IGSF21: variants seen among roughly 807,000 people sequenced by gnomAD.
The protein encoded by IGSF21 is immunoglobin superfamily member 21, also known as immunoglobulin superfamily member 21.
In IGSF21, 28 loss-of-function variants were observed where a neutral mutation model predicts 46.8. The observed-to-expected ratio is 0.60, with a 90% CI of 0.44 to 0.82. The LOEUF (loss-of-function observed/expected upper bound fraction) is 0.82. Ranked by LOEUF, IGSF21 falls within the 40% of genes least tolerant of loss-of-function variation. The pLI is 0.00. For synonymous variants in IGSF21, 284 were observed against 273.6 expected (o/e 1.04, Z -0.38); for missense variants, 624 against 665.5 (o/e 0.94, Z 0.69).
chr1:18,159,249 C>G (rs2086594852), intron 1 of IGSF21, among the ~76,000 whole-genome samples: 1 of 152,190 alleles, frequency 6.6e-6, no homozygotes, highest in Non-Finnish European at 1.5e-5. Flanking sequence ...TGAAGATGCT[C>G]CAAGTCAGGG....
intron 4 of IGSF21, among the ~76,000 whole-genome samples, chr1:18,360,526 G>T (rs972796815): frequency 6.6e-6 from 1 of 152,134 alleles, no homozygotes; most frequent in African/African-American, 2.4e-5. Flanking sequence ...GCACCTAGTA[G>T]GTGTCAGGAA....
intron 2 of IGSF21, among the ~76,000 whole-genome samples, chr1:18,289,716 G>T (rs1050495522): frequency 1.3e-5 from 2 of 152,162 alleles, no homozygotes; most frequent in Admixed American, 6.5e-5. Context: ...CAGCTTCCTA[G>T]CCTCTATCAG....
At chr1:18,108,938 G>T (rs1384199655) in intron 1 of IGSF21, among the ~76,000 whole-genome samples, 3 of 150,924 alleles carry the variant, frequency 2.0e-5, no homozygotes, top group Non-Finnish European at 4.4e-5. Flanking sequence ...GTTATCGTGT[G>T]CAGGGAGGTA....
intron 1 of IGSF21, among the ~76,000 whole-genome samples, chr1:18,187,206 CAG>C (rs2086911767): frequency 1.6e-5 from 2 of 128,416 alleles, no homozygotes; most frequent in Admixed American, 1.7e-4. Context: ...CTGAATATGG[CAG>C]AGAGAGAGAT....
At chr1:18,125,181 G>A (rs533207924) in intron 1 of IGSF21, among the ~76,000 whole-genome samples, 3 of 152,244 alleles carry the variant, frequency 2.0e-5, no homozygotes, top group Admixed American at 6.5e-5. Context: ...GCTGCCCCAG[G>A]GCCTTTGCAC....
intron 1 of IGSF21, among the ~76,000 whole-genome samples, chr1:18,198,152 T>A (rs1252175011): frequency 6.6e-6 from 1 of 152,242 alleles, no homozygotes; most frequent in Non-Finnish European, 1.5e-5. Context: ...ATAAAGATGA[T>A]GTACACAGTA....
At chr1:18,333,807 C>G (rs1303793695) in intron 3 of IGSF21, among the ~76,000 whole-genome samples, 2 of 152,212 alleles carry the variant, frequency 1.3e-5, no homozygotes, top group Non-Finnish European at 2.9e-5. Context: ...AGCCATCCAA[C>G]TACAGCCTGC....
chr1:18,162,843 C>T (rs2086640163), intron 1 of IGSF21, among the ~76,000 whole-genome samples: 1 of 152,052 alleles, frequency 6.6e-6, no homozygotes, highest in African/African-American at 2.4e-5. Flanking sequence ...CTAAACCAGG[C>T]CAAAAGGAAG....
At chr1:18,159,950 G>A (rs1451741858) in intron 1 of IGSF21, among the ~76,000 whole-genome samples, 2 of 152,110 alleles carry the variant, frequency 1.3e-5, no homozygotes, top group Non-Finnish European at 2.9e-5. Flanking sequence ...CAAAGTGCTG[G>A]GATTACAGGC....
intron 1 of IGSF21, among the ~76,000 whole-genome samples, chr1:18,199,005 C>G (rs1008449350): frequency 6.6e-6 from 1 of 152,086 alleles, no homozygotes; most frequent in Non-Finnish European, 1.5e-5. Context: ...GTCTTTCTCC[C>G]CTGCCCATCT....
At chr1:18,338,788 C>T (rs536157537) in intron 4 of IGSF21, among the ~76,000 whole-genome samples, 23 of 152,122 alleles carry the variant, frequency 1.5e-4, no homozygotes, top group African/African-American at 5.1e-4. Flanking sequence ...TGTTTTTATC[C>T]GAGCTGCAGA....
chr1:18,340,974 T>C (rs931776483), intron 4 of IGSF21, among the ~76,000 whole-genome samples: 1 of 142,258 alleles, frequency 7.0e-6, no homozygotes, highest in African/African-American at 2.6e-5. Flanking sequence ...CTTCTTCTCC[T>C]TCTTCTTCTC....
At chr1:18,342,278 G>A (rs1443980144) in intron 4 of IGSF21, among the ~76,000 whole-genome samples, 7 of 151,950 alleles carry the variant, frequency 4.6e-5, no homozygotes, top group Non-Finnish European at 2.9e-5. Flanking sequence ...AGTTTTAGTC[G>A]AGACGAGGTT....
At chr1:18,288,931 A>G (rs914632394) in intron 2 of IGSF21, among the ~76,000 whole-genome samples, 1 of 152,232 alleles carries the variant, frequency 6.6e-6, no homozygotes, top group African/African-American at 2.4e-5. Flanking sequence ...AAACAGATGT[A>G]AATAAAACCA....
chr1:18,237,991 T>C (rs2084688772), intron 2 of IGSF21, among the ~76,000 whole-genome samples: 1 of 141,654 alleles, frequency 7.1e-6, no homozygotes, highest in South Asian at 2.5e-4. Flanking sequence ...CTAGGAAATA[T>C]GTGGATGGGC....
At chr1:18,188,362 C>T (rs781472750) in intron 1 of IGSF21, among the ~76,000 whole-genome samples, 9 of 152,068 alleles carry the variant, frequency 5.9e-5, no homozygotes, top group Non-Finnish European at 1.0e-4. Flanking sequence ...CTGATTAGAT[C>T]GCCCCCATAA....
intron 1 of IGSF21, among the ~76,000 whole-genome samples, chr1:18,192,931 C>T (rs1461543227): frequency 6.6e-6 from 1 of 152,034 alleles, no homozygotes; most frequent in Admixed American, 6.6e-5. Context: ...GTGGGAAGTG[C>T]AGCCCTGGCG....
chr1:18,240,437 A>G (rs558632449), intron 2 of IGSF21, among the ~76,000 whole-genome samples: 1 of 152,366 alleles, frequency 6.6e-6, no homozygotes, highest in South Asian at 2.1e-4. Context: ...ACAGAGAAAG[A>G]CAGGTGTCTG....
Position 18,337,365 on chromosome 1 carries a change from C to T in IGSF21, c.424+2355C>T, listed in dbSNP as rs1031969450. 1.3e-5 allele frequency among the ~76,000 whole-genome samples: 2 copies of T among 152,186 alleles called. No individual in the cohort carries two copies. The highest frequency in any genetic ancestry group is 4.1e-4 in the South Asian group (2 of 4,820). The stretch of plus-strand genomic sequence containing the variant: ...TAAAGTAGATAAAGTTTGCAGAACG[C>T]CTACCTCATCAAGAATATCATTGAA... On this transcript the variant is annotated intron_variant, in intron 4 of 9. Coordinates refer to ENST00000251296, the MANE Select transcript of IGSF21 (RefSeq NM_032880.5). The surrounding 1 kb of genome is among the most constrained non-coding windows in gnomAD (Gnocchi z 5.7).
Sources: allele counts gnomAD v4.1 joint callset (sites outside exome capture counted in the v4.1 genomes callset), GRCh38; gene constraint gnomAD v4.1.1; non-coding constraint Gnocchi (gnomAD v3.1); transcripts MANE v1.5; gene names NCBI Gene and HGNC (gene_info 2026-07-23, HGNC 2026-07-21).